The following TAS1R1 variants were observed in gnomAD, a reference collection of about 807,000 sequenced individuals.
TAS1R1 encodes the protein taste receptor type 1 member 1.
TAS1R1 carries 31 observed loss-of-function variants against 45.8 expected under a neutral mutation model. The observed-to-expected ratio is 0.68, with a 90% CI of 0.51 to 0.91. TAS1R1 has a LOEUF of 0.91. Ranked by LOEUF, TAS1R1 falls within the 40% of genes least tolerant of loss-of-function variation. The probability of loss-of-function intolerance (pLI) is 0.00; values close to 1 mark genes in which losing one functional copy is unlikely to be tolerated. For missense variants in TAS1R1, 1,051 were observed against 1,063.9 expected (o/e 0.99, Z 0.17); for synonymous variants, 437 against 448.4 (o/e 0.97, Z 0.32).
At chr1:6,559,729 A>G (rs949539431) in intron 1 of TAS1R1, among the ~76,000 whole-genome samples, 6 of 150,710 alleles carry the variant, frequency 4.0e-5, no homozygotes, top group Non-Finnish European at 7.4e-5. Flanking sequence ...GTACTTTGGG[A>G]GGCTGAAGCA....
rs1180766883 is a variant in TAS1R1 at position 6,571,140 on chromosome 1, G to A, written c.423G>A (p.Leu141=). The change falls in exon 2 of 6, where the codon CTG becomes CTA. Residue 141 remains leucine, a synonymous_variant. Transcript: ENST00000333172. ...GDLLHYSPTV[L]AVIGPDSTNR... ...TTCTCCACTATTCCCCTACGGTGCT[G>A]GCAGTGATTGGGCCTGACAGCACCA... is the stretch of plus-strand genomic sequence containing the variant. The A allele has an allele frequency of 6.2e-7, 1 of 1,611,684 alleles. No homozygotes were observed. The highest frequency in any genetic ancestry group is 8.5e-7 in the Non-Finnish European group (1 of 1,178,660).
chr1:6,570,968 A>C lies in TAS1R1; in HGVS notation c.251A>C (p.Glu84Ala). 2.5e-6 allele frequency: 4 copies of C among 1,612,322 alleles called. No individual in the cohort carries two copies. The highest frequency in any genetic ancestry group is 3.4e-6 in the Non-Finnish European group (4 of 1,178,454). The change falls in exon 2 of 6, where the codon GAG (glutamate) becomes GCG (alanine). Residue 84 changes from glutamate to alanine, a missense_variant. By Grantham distance (107) the Glu-to-Ala change is moderately radical. Transcript: ENST00000333172. Reference protein sequence around the residue: ...HLFQAMRLGVEEINNSTALLP... With the variant: ...HLFQAMRLGVAEINNSTALLP... ...TTCCAGGCTATGCGGCTTGGGGTTG[A>C]GGAGATAAACAACTCCACGGCCCTG...
chr1:6,575,199 C>T lies in TAS1R1; in HGVS notation c.1067C>T (p.Ser356Phe). The change falls in exon 3 of 6, where the codon TCC becomes TTC. Residue 356 changes from serine to phenylalanine, a missense_variant. Physicochemically the swap from Ser to Phe is radical, Grantham distance 155. Transcript: ENST00000333172. Reference protein sequence around the residue: ...KKAPRPCHKGSWCSSNQLCRE... With the variant: ...KKAPRPCHKGFWCSSNQLCRE... ...GCCCCTAGGCCTTGCCACAAGGGCT[C>T]CTGGTGCAGCAGCAATCAGCTCTGC... 6.2e-7 allele frequency: 1 copy of T among 1,611,472 alleles called. No individual in the cohort carries two copies. Among genetic ancestry groups the T allele is most frequent in the African/African-American group, 1.3e-5 (1 of 74,986 alleles).
rs150923052 is a variant in TAS1R1 at position 6,575,731 on chromosome 1, T to C, written c.1260+339T>C. Among the ~76,000 whole-genome samples, 986 of 149,696 alleles carry C rather than the reference T, an allele frequency of 6.6e-3. 13 individuals are homozygous for C. Among genetic ancestry groups the C allele is most frequent in the East Asian group, 0.037 (184 of 4,976 alleles). ...TTTTTGAGATAGAGTCTCGCTCTGT[T>C]GCCCAGGCTGGAATGCAGTGGTGCG... is the stretch of plus-strand genomic sequence containing the variant. On this transcript the variant is annotated intron_variant, in intron 3 of 5. Coordinates refer to ENST00000333172, the MANE Select transcript of TAS1R1 (RefSeq NM_138697.4).
chr1:6,555,867 T>C (rs74224520), intron 1 of TAS1R1, among the ~76,000 whole-genome samples: 23 of 6,284 alleles, frequency 3.7e-3, no homozygotes, highest in East Asian at 0.019. Flanking sequence ...TTCCCTCTTC[T>C]TTTTTTTTTT....
rs1042895133 is a variant in TAS1R1, at chr1:6,579,663, G to A, written c.*79G>A. 1.9e-5 allele frequency: 28 copies of A among 1,511,052 alleles called. No individual in the cohort carries two copies. Among genetic ancestry groups the A allele is most frequent in the Non-Finnish European group, 2.2e-5 (25 of 1,137,826 alleles). 93.6% of individuals were successfully genotyped at this position (1,511,052 alleles called of 1,614,324 possible). A position where few individuals can be genotyped will look rare whatever the true frequency, so the allele number is the denominator to read the frequency against. On this transcript the variant is annotated 3_prime_UTR_variant, in exon 6 of 6. Coordinates refer to ENST00000333172, the MANE Select transcript of TAS1R1 (RefSeq NM_138697.4). Reference sequence around the variant, plus strand: ...TCGAGCAGGCCGGGGGTGTCCGGGAGGTCTTTGGGCATCGCGGTCTGGGGT... The same window carrying A: ...TCGAGCAGGCCGGGGGTGTCCGGGAAGTCTTTGGGCATCGCGGTCTGGGGT...
chr1:6,560,646 TAGAG>T (rs1204510058), intron 1 of TAS1R1, among the ~76,000 whole-genome samples: 1 of 152,192 alleles, frequency 6.6e-6, no homozygotes, highest in Non-Finnish European at 1.5e-5. Context: ...TAATAGGTAA[TAGAG>T]AGGGGGTGTC....
chr1:6,559,998 CAAAA>C (rs58759461), intron 1 of TAS1R1, among the ~76,000 whole-genome samples: 3 of 97,864 alleles, frequency 3.1e-5, no homozygotes, highest in East Asian at 3.0e-4. Context: ...AACTCTGTCT[CAAAA>C]AAAAAAAAAA....
At chr1:6,560,274 G>A (rs1023884472) in intron 1 of TAS1R1, among the ~76,000 whole-genome samples, 2 of 152,196 alleles carry the variant, frequency 1.3e-5, no homozygotes, top group South Asian at 4.1e-4. Flanking sequence ...TCCAGCCTGG[G>A]CAACAAGAGC....
intron 1 of TAS1R1, among the ~76,000 whole-genome samples, chr1:6,568,377 C>A (rs971455901): frequency 2.6e-5 from 4 of 151,686 alleles, no homozygotes; most frequent in African/African-American, 9.7e-5. Flanking sequence ...ATGGCGTGAA[C>A]CCGGGAGGCG....
In TAS1R1 at chr1:6,575,246, G is replaced by C. The variant is rs34160967; in HGVS notation, c.1114G>C (p.Ala372Pro). Reference sequence around the variant, plus strand: ...CTGCAGAGAATGCCAAGCTTTCATGGCACACACGATGCCCAAGCTCAAAGC... The same window carrying C: ...CTGCAGAGAATGCCAAGCTTTCATGCCACACACGATGCCCAAGCTCAAAGC... The part of the protein sequence containing the change: ...QLCRECQAFM[A>P]HTMPKLKAFS... Residue 372 changes from alanine to proline, a missense_variant, in exon 3 of 6, where the codon GCA (alanine) becomes CCA (proline). Coordinates refer to ENST00000333172, the MANE Select transcript of TAS1R1 (RefSeq NM_138697.4). 1 of 1,613,478 alleles carries C rather than the reference G, an allele frequency of 6.2e-7. No homozygotes were observed. Among genetic ancestry groups the C allele is most frequent in the South Asian group, 1.1e-5 (1 of 91,088 alleles).
intron 2 of TAS1R1, among the ~76,000 whole-genome samples, chr1:6,572,165 C>T (rs1239912634): frequency 6.6e-6 from 1 of 152,160 alleles, no homozygotes; most frequent in African/African-American, 2.4e-5. Context: ...ACCCTCAGCC[C>T]GATTCTGTCC....
At position 6,555,436 on chromosome 1, in the gene TAS1R1, T is replaced by A. The variant is rs927254071; in HGVS notation, c.63T>A (p.Phe21Leu). The change falls in exon 1 of 6, where the codon TTT (phenylalanine) becomes TTA (leucine). Residue 21 changes from phenylalanine to leucine, a missense_variant. Transcript: ENST00000333172. ...LQLLISCCWA[F>L]ACHSTESSPD... ...TTCTCATTTCCTGCTGCTGGGCCTT[T>A]GCCTGCCATAGCACGGAGTCTTCTC... The A allele has an allele frequency of 1.2e-6, 2 of 1,607,872 alleles. No individual in the cohort carries two copies.
chr1:6,558,957 T>C (rs567035509), intron 1 of TAS1R1, among the ~76,000 whole-genome samples: 21 of 117,716 alleles, frequency 1.8e-4, no homozygotes, highest in African/African-American at 6.0e-4. Flanking sequence ...AGTGGCGCGA[T>C]CTCGGCTCAC....
Position 6,579,176 on chromosome 1 carries a change from T to C in TAS1R1, c.2118T>C (p.Ala706=). 2 of 1,614,184 alleles carry C rather than the reference T, an allele frequency of 1.2e-6. No homozygotes were observed. The highest frequency in any genetic ancestry group is 2.2e-5 in the South Asian group (2 of 91,082). Reference sequence around the variant, plus strand: ...TGGTGGTGTGGACCCCACTGCCTGCTAGGGAATACCAGCGCTTCCCCCATC... The same window carrying C: ...TGGTGGTGTGGACCCCACTGCCTGCCAGGGAATACCAGCGCTTCCCCCATC... ...TWLVVWTPLP[A]REYQRFPHLV... Residue 706 remains alanine, a synonymous_variant, in exon 6 of 6, where the codon GCT becomes GCC. Transcript: ENST00000333172.
chr1:6,570,973 A>G lies in TAS1R1; in HGVS notation c.256A>G (p.Ile86Val). ...FQAMRLGVEE[I>V]NNSTALLPNI... is the part of the protein sequence containing the mutation. ...GGCTATGCGGCTTGGGGTTGAGGAGATAAACAACTCCACGGCCCTGCTGCC... is the reference window on the plus strand; with the variant it reads ...GGCTATGCGGCTTGGGGTTGAGGAGGTAAACAACTCCACGGCCCTGCTGCC... Residue 86 changes from isoleucine to valine, a missense_variant, in exon 2 of 6, where the codon ATA (isoleucine) becomes GTA (valine). Transcript: ENST00000333172. The G allele has an allele frequency of 6.2e-7, 1 of 1,613,942 alleles. No individual in the cohort carries two copies. The highest frequency in any genetic ancestry group is 8.5e-7 in the Non-Finnish European group (1 of 1,179,928).
rs371931674 is a variant in TAS1R1 at position 6,579,106 on chromosome 1, T to G, written c.2048T>G (p.Val683Gly). The G allele has an allele frequency of 2.5e-6, 4 of 1,614,102 alleles. No individual in the cohort carries two copies. The South Asian group carries it at 4.4e-5, about 18-fold the overall frequency. The part of the protein sequence containing the change: ...WVQNHGAGLF[V>G]MISSAAQLLI... Reference sequence around the variant, plus strand: ...CAAAACCACGGTGCTGGCCTGTTTGTGATGATCAGCTCAGCGGCCCAGCTG... The same window carrying G: ...CAAAACCACGGTGCTGGCCTGTTTGGGATGATCAGCTCAGCGGCCCAGCTG... The change falls in exon 6 of 6, where the codon GTG (valine) becomes GGG (glycine). Residue 683 changes from valine to glycine, a missense_variant. Coordinates refer to ENST00000333172, the MANE Select transcript of TAS1R1 (RefSeq NM_138697.4).
chr1:6,555,703 C>A, intron 1 of TAS1R1, 139 bp downstream of exon 1: 2 of 771,448 alleles, frequency 2.6e-6, no homozygotes, highest in Non-Finnish European at 2.0e-6. Context: ...AATCCACTTG[C>A]CACCTAAGTG....
In TAS1R1 at chr1:6,579,308, G is replaced by C. The variant is rs757847603; in HGVS notation, c.2250G>C (p.Lys750Asn). 1.5e-5 allele frequency: 24 copies of C among 1,614,106 alleles called. No individual in the cohort carries two copies. Among genetic ancestry groups the C allele is most frequent in the Non-Finnish European group, 2.5e-6 (3 of 1,180,052 alleles). Residue 750 changes from lysine to asparagine, a missense_variant, in exon 6 of 6, where the codon AAG becomes AAC. By Grantham distance (94) the Lys-to-Asn change is moderately conservative. Coordinates refer to ENST00000333172, the MANE Select transcript of TAS1R1 (RefSeq NM_138697.4). Reference sequence around the variant, plus strand: ...CCTTTGCCTGCAGCTACCTGGGTAAGGACTTGCCAGAGAACTACAACGAGG... The same window carrying C: ...CCTTTGCCTGCAGCTACCTGGGTAACGACTTGCCAGAGAACTACAACGAGG... ...ISAFACSYLGKDLPENYNEAK... is the reference protein window; with the variant it reads ...ISAFACSYLGNDLPENYNEAK...
Sources: allele counts gnomAD v4.1 joint callset (sites outside exome capture counted in the v4.1 genomes callset), GRCh38; gene constraint gnomAD v4.1.1; transcripts MANE v1.5; gene names NCBI Gene and HGNC (gene_info 2026-07-23, HGNC 2026-07-21).